MBD5: variants seen among roughly 807,000 people sequenced by gnomAD.
MBD5 encodes methyl-CpG binding domain protein 5.
A neutral mutation model predicts 117.3 loss-of-function variants in MBD5; 13 were observed. That is an observed-to-expected ratio of 0.11 (90% CI 0.07 to 0.18). MBD5 has a LOEUF of 0.18. Ranked by LOEUF, MBD5 falls within the 10% of genes least tolerant of loss-of-function variation. MBD5 has a pLI of 1.00. For missense variants in MBD5, 1,879 were observed against 2,093.8 expected (o/e 0.90, Z 2.00); for synonymous variants, 727 against 766.4 (o/e 0.95, Z 0.85).
At position 148,469,273 on chromosome 2, in the gene MBD5, C is replaced by G; in HGVS notation, c.1330C>G (p.His444Asp). ...CCCTTCTCCAGTGACATCCCCCGTG[C>G]ACATGATGGGGACTGGAATTGGAAG... Reference protein sequence around the residue: ...LSPSPVTSPVHMMGTGIGRIE... With the variant: ...LSPSPVTSPVDMMGTGIGRIE... Residue 444 changes from histidine (H) to aspartate (D), a missense_variant, in exon 8 of 14, where the codon CAC (histidine) becomes GAC (aspartate). Transcript: ENST00000642680. 6.2e-7 allele frequency: 1 copy of G among 1,613,906 alleles called. No individual in the cohort carries two copies. The highest frequency in any genetic ancestry group is 1.3e-5 in the African/African-American group (1 of 75,022).
At chr2:148,210,177 T>C (rs1480328151) in intron 2 of MBD5, among the ~76,000 whole-genome samples, 1 of 152,194 alleles carries the variant, frequency 6.6e-6, no homozygotes, top group African/African-American at 2.4e-5. Flanking sequence ...GCCATAAAAC[T>C]ACTTATTTAG....
intron 1 of MBD5, among the ~76,000 whole-genome samples, chr2:148,070,180 C>T (rs1002601958): frequency 1.3e-5 from 2 of 152,192 alleles, no homozygotes; most frequent in African/African-American, 4.8e-5. Context: ...TTAGCTCCCA[C>T]ATATGACTGA....
intron 2 of MBD5, among the ~76,000 whole-genome samples, 159 bp downstream of exon 2, chr2:148,178,952 A>T (rs1558960393): frequency 6.6e-6 from 1 of 152,234 alleles, no homozygotes; most frequent in South Asian, 2.1e-4. Flanking sequence ...TTTTTATTCC[A>T]TAATATCATC....
At chr2:148,302,780 C>A (rs889950463) in intron 3 of MBD5, among the ~76,000 whole-genome samples, 3 of 150,914 alleles carry the variant, frequency 2.0e-5, no homozygotes, top group African/African-American at 7.3e-5. Flanking sequence ...ACAATGTACA[C>A]CACCCTACCT....
intron 1 of MBD5, among the ~76,000 whole-genome samples, chr2:148,052,403 T>C (rs1694736333): frequency 6.6e-6 from 1 of 152,064 alleles, no homozygotes; most frequent in South Asian, 2.1e-4. Context: ...AGAGATGGGG[T>C]TTCTCTGTGT....
intron 4 of MBD5, among the ~76,000 whole-genome samples, chr2:148,449,120 C>A (rs750707687): frequency 1.3e-5 from 2 of 152,064 alleles, no homozygotes; most frequent in African/African-American, 2.4e-5. Flanking sequence ...CCCTACATTT[C>A]TTGAGTACAT....
intron 2 of MBD5, among the ~76,000 whole-genome samples, chr2:148,226,510 C>G (rs1320218702): frequency 6.6e-6 from 1 of 152,128 alleles, no homozygotes; most frequent in Admixed American, 6.6e-5. Flanking sequence ...TCCAGTCTAC[C>G]ATTGTTGGAC....
At chr2:148,143,930 C>T (rs2382210) in intron 1 of MBD5, among the ~76,000 whole-genome samples, 70,458 of 151,110 alleles carry the variant, frequency 0.47, 16,574 homozygotes, top group Middle Eastern at 0.57. Context: ...CATGTGTCTT[C>T]ATAGCAGCAT....
chr2:148,489,338 T>C, intron 10 of MBD5, 48 bp from the exon 11 acceptor site: 1 of 1,585,016 alleles, frequency 6.3e-7, no homozygotes, highest in African/African-American at 1.6e-5. Flanking sequence ...CTTTGAGGCC[T>C]CAAAATTATT....
At chr2:148,330,034 C>CG (rs1185635267) in intron 3 of MBD5, among the ~76,000 whole-genome samples, 2 of 5,550 alleles carry the variant, frequency 3.6e-4, no homozygotes, top group East Asian at 0.015. Context: ...TAGGTAAGAA[C>CG]CCCCCCCCGC....
intron 4 of MBD5, among the ~76,000 whole-genome samples, chr2:148,441,728 TAA>T (rs958892990): frequency 2.0e-5 from 3 of 151,848 alleles, no homozygotes; most frequent in Non-Finnish European, 4.4e-5. Flanking sequence ...ACCAACAGTG[TAA>T]AAGTGTTCCT....
chr2:148,158,964 T>C (rs534455606), intron 1 of MBD5, among the ~76,000 whole-genome samples: 91 of 152,334 alleles, frequency 6.0e-4, no homozygotes, highest in South Asian at 6.2e-4. Flanking sequence ...CCTTGTGATC[T>C]GCCCGCCTTG....
chr2:148,354,725 C>A (rs1342685513), intron 4 of MBD5, among the ~76,000 whole-genome samples: 1 of 152,224 alleles, frequency 6.6e-6, no homozygotes, highest in African/African-American at 2.4e-5. Context: ...AATTTACACT[C>A]CCACCAACAT....
chr2:148,195,098 CA>C (rs1698945902), intron 2 of MBD5, among the ~76,000 whole-genome samples: 1 of 151,820 alleles, frequency 6.6e-6, no homozygotes, highest in African/African-American at 2.4e-5. Context: ...ACTTTATTTG[CA>C]AAATAAGCAA....
chr2:148,180,354 A>ATATATATATATATATATATATATG (rs1698500353), intron 2 of MBD5, among the ~76,000 whole-genome samples: 1 of 116,538 alleles, frequency 8.6e-6, no homozygotes, highest in Non-Finnish European at 1.9e-5. Flanking sequence ...ATATATATAT[A>ATATATATATATATATATATATATG]TATATATGTA....
intron 3 of MBD5, among the ~76,000 whole-genome samples, chr2:148,301,516 CAGGAAGGA>C (rs1239276484): frequency 6.6e-6 from 1 of 152,066 alleles, no homozygotes; most frequent in Non-Finnish European, 1.5e-5. Context: ...AGCTTTAGAG[CAGGAAGGA>C]AGGGAAGTAA....
chr2:148,508,408 T>TA (rs937392245), intron 12 of MBD5, among the ~76,000 whole-genome samples: 33 of 151,176 alleles, frequency 2.2e-4, no homozygotes, highest in African/African-American at 6.1e-4. Context: ...TGTGTGTGTT[T>TA]AAAAAAAAAC....
intron 4 of MBD5, among the ~76,000 whole-genome samples, chr2:148,377,987 AG>A (rs781384158): frequency 6.6e-6 from 1 of 152,176 alleles, no homozygotes; most frequent in African/African-American, 2.4e-5. Context: ...TACATGAAAA[AG>A]TGTTCCCCCT....
intron 10 of MBD5, 98 bp from the exon 11 acceptor site, chr2:148,489,288 T>A (rs575020011): frequency 7.1e-7 from 1 of 1,417,738 alleles, no homozygotes; most frequent in Admixed American, 1.8e-5. Flanking sequence ...TTGTTAATAT[T>A]TGTTTGTCTT....
Sources: gnomAD v4.1 joint callset for allele counts (sites outside exome capture counted in the v4.1 genomes callset) on GRCh38, gnomAD v4.1.1 for gene constraint, MANE v1.5 for transcripts, NCBI Gene and HGNC (gene_info 2026-07-23, HGNC 2026-07-21) for gene names.